FHAD1: variants seen among roughly 807,000 people sequenced by gnomAD.
FHAD1 encodes forkhead associated phosphopeptide binding domain 1, also known as forkhead-associated domain-containing protein 1.
A neutral mutation model predicts 191.3 loss-of-function variants in FHAD1; 146 were observed. That is an observed-to-expected ratio of 0.76 (90% confidence interval 0.67 to 0.88). The LOEUF is 0.88. FHAD1 is among the 40% of genes least tolerant of loss of function. The pLI is 0.00. For synonymous variants in FHAD1, 616 were observed against 672.3 expected, an observed-to-expected ratio of 0.92 and a Z score of 1.29; for missense variants, 1,635 against 1,785.8, an observed-to-expected ratio of 0.92 and a Z score of 1.52.
chr1:15,375,719 GA>G lies in FHAD1; in HGVS notation c.3695del (p.Glu1232GlyfsTer3). The G allele has an allele frequency of 6.5e-7, 1 of 1,542,976 alleles. No homozygotes were observed. The highest frequency in any genetic ancestry group is 8.7e-7 in the Non-Finnish European group (1 of 1,144,544). ...KPDLPTLSRI[E>X]ILAPQNGLCN... ...GGATTTGCCAACTCTCTCAAGAATAGAGATCCTAGCGGTAACCAAAGAAAAT... is the reference window on the plus strand; with the variant it reads ...GGATTTGCCAACTCTCTCAAGAATAGGATCCTAGCGGTAACCAAAGAAAAT... On this transcript the variant is annotated frameshift_variant, in exon 28 of 34. Transcript: ENST00000688493. LOFTEE classifies it high-confidence loss of function.
chr1:15,243,712 C>T (rs537782264), upstream of FHAD1, among the ~76,000 whole-genome samples: 3 of 152,270 alleles, frequency 2.0e-5, no homozygotes, highest in Non-Finnish European at 4.4e-5. Context: ...AAGCTGCCTC[C>T]TCTGGGCTTA....
At chr1:15,393,769 CTT>C (rs547494796) in intron 33 of FHAD1, among the ~76,000 whole-genome samples, 1 of 144,002 alleles carries the variant, frequency 6.9e-6, no homozygotes. Context: ...CCCCTGGCCT[CTT>C]TTTTTTTTTT....
intron 23 of FHAD1, among the ~76,000 whole-genome samples, chr1:15,365,079 CT>C (rs1695986791): frequency 6.6e-6 from 1 of 152,240 alleles, no homozygotes; most frequent in Admixed American, 6.5e-5. Context: ...GGCCCCACCT[CT>C]CTCCACCAGG....
chr1:15,251,836 AC>A lies in FHAD1; in HGVS notation c.54del (p.Thr19GlnfsTer56), dbSNP rs1646810645. On this transcript the variant is annotated frameshift_variant, in exon 2 of 34. Coordinates refer to ENST00000688493, the MANE Select transcript of FHAD1 (RefSeq NM_001391957.1). LOFTEE classifies it high-confidence loss of function. ...AGGCTTTTTTGTCCTAAATAAAAGT[AC>A]CACAATTGGAAGGCATGAAAATTCA... Reference protein sequence around the residue: ...AEGFFVLNKSTTIGRHENSDL... With the variant: ...AEGFFVLNKSXTIGRHENSDL... 1.3e-6 allele frequency: 2 copies of A among 1,552,396 alleles called. No individual in the cohort carries two copies. The highest frequency in any genetic ancestry group is 2.4e-5 in the East Asian group (1 of 40,922).
At chr1:15,341,318 T>A (rs984822344) in intron 15 of FHAD1, among the ~76,000 whole-genome samples, 1 of 152,222 alleles carries the variant, frequency 6.6e-6, no homozygotes, top group Non-Finnish European at 1.5e-5. Flanking sequence ...ACAATTTCAG[T>A]GTCACACAGC....
At chr1:15,239,330 T>TA (rs1286588099) in intron 1 of FHAD1, among the ~76,000 whole-genome samples, 1 of 152,152 alleles carries the variant, frequency 6.6e-6, no homozygotes, top group Middle Eastern at 3.2e-3. Flanking sequence ...GCCATGCCTG[T>TA]AATCCCAGCA....
At chr1:15,247,737 T>TC (rs990564305) in intron 1 of FHAD1, among the ~76,000 whole-genome samples, 2 of 151,958 alleles carry the variant, frequency 1.3e-5, no homozygotes, top group Admixed American at 6.6e-5. Context: ...TCAGAGAGAC[T>TC]CCCCCCTTGC....
At chr1:15,359,070 C>T (rs1229290399) in intron 21 of FHAD1, among the ~76,000 whole-genome samples, 2 of 151,876 alleles carry the variant, frequency 1.3e-5, no homozygotes, top group East Asian at 1.9e-4. Flanking sequence ...ACACTTCAGG[C>T]CAGGGCGCCT....
intron 2 of FHAD1, 123 bp downstream of exon 2, chr1:15,252,000 C>G: frequency 1.2e-6 from 1 of 815,058 alleles, no homozygotes; most frequent in South Asian, 1.9e-5. Context: ...AGCAGCCATA[C>G]CTTTCCTTGG....
rs1428648666 is a variant in FHAD1 at position 15,381,989 on chromosome 1, A to T, written c.4023-39A>T. 6 of 1,545,436 alleles carry T rather than the reference A, an allele frequency of 3.9e-6. No individual in the cohort carries two copies. The South Asian group carries it at 6.0e-5, about 15-fold the overall frequency. On this transcript the variant is annotated intron_variant, in intron 30 of 33. Coordinates refer to ENST00000688493, the MANE Select transcript of FHAD1 (RefSeq NM_001391957.1). The surrounding 1 kb of genome is among the most constrained non-coding windows in gnomAD (Gnocchi z 4.6). ...GGCACATTGATGATGATTGGGAAAG[A>T]TAAGGGAAAAACAGACGCCATCTCT... is the stretch of plus-strand genomic sequence containing the variant.
At chr1:15,314,056 G>A (rs1035314648) in intron 8 of FHAD1, among the ~76,000 whole-genome samples, 5 of 143,204 alleles carry the variant, frequency 3.5e-5, no homozygotes, top group South Asian at 2.1e-4. Context: ...GTGAAACTCC[G>A]TCTCAAATAA....
intron 5 of FHAD1, 41 bp from the exon 6 acceptor site, chr1:15,301,164 A>G: frequency 1.3e-6 from 2 of 1,523,202 alleles, no homozygotes; most frequent in Non-Finnish European, 1.8e-6. Flanking sequence ...CCTCACACCT[A>G]GGCCCACACC....
At chr1:15,285,529 A>G (rs1405638357) in intron 3 of FHAD1, among the ~76,000 whole-genome samples, 1 of 151,742 alleles carries the variant, frequency 6.6e-6, no homozygotes, top group Non-Finnish European at 1.5e-5. Flanking sequence ...GCAAAATTCC[A>G]TCTCCATAAA....
rs1701008728 is a variant in FHAD1 at position 15,381,930 on chromosome 1, C to T, written c.4023-98C>T. Reference sequence around the variant, plus strand: ...GTGATGACACTCCTGAGTGAGCCCCCACTGTGGATGTATTTTGAGAGACTT... The same window carrying T: ...GTGATGACACTCCTGAGTGAGCCCCTACTGTGGATGTATTTTGAGAGACTT... On this transcript the variant is annotated intron_variant, in intron 30 of 33. Coordinates refer to ENST00000688493, the MANE Select transcript of FHAD1 (RefSeq NM_001391957.1). This position sits in a 1 kb window ranked among gnomAD's most constrained non-coding sequence, Gnocchi z 4.6. The T allele has an allele frequency of 6.0e-6, 8 of 1,326,676 alleles. No homozygotes were observed. The highest frequency in any genetic ancestry group is 1.9e-4 in the Middle Eastern group (1 of 5,218). The allele number at this position is 1,326,676 out of a possible 1,614,324, so 82.2% of individuals were successfully genotyped here. A position where few individuals can be genotyped will look rare whatever the true frequency, so the allele number is the denominator to read the frequency against.
intron 2 of FHAD1, among the ~76,000 whole-genome samples, chr1:15,265,263 A>G (rs1652902750): frequency 1.3e-5 from 2 of 152,226 alleles, no homozygotes; most frequent in African/African-American, 4.8e-5. Context: ...TGCAGATTAA[A>G]TGAGGGAATG....
intron 28 of FHAD1, among the ~76,000 whole-genome samples, chr1:15,378,821 A>G (rs1277270515): frequency 1.3e-5 from 2 of 151,924 alleles, no homozygotes; most frequent in African/African-American, 2.4e-5. Context: ...GCAAGCTGAC[A>G]TGCTCTTGGT....
chr1:15,388,492 A>T (rs1702907594), intron 32 of FHAD1: 1 of 705,950 alleles, frequency 1.4e-6, no homozygotes. Flanking sequence ...CCACTAAGTA[A>T]CTTGGGGACT....
At chr1:15,358,314 T>C in intron 21 of FHAD1, 31 bp downstream of exon 21, 1 of 1,516,358 alleles carries the variant, frequency 6.6e-7, no homozygotes, top group African/African-American at 1.4e-5. Flanking sequence ...AACGGGAGAA[T>C]TTTTCTCTCA....
At chr1:15,260,658 G>A (rs77798531) in intron 2 of FHAD1, among the ~76,000 whole-genome samples, 5,442 of 152,306 alleles carry the variant, frequency 0.036, 162 homozygotes, top group South Asian at 0.11. Flanking sequence ...TCCCAATCCC[G>A]CATGGCTCAG....
Sources: allele counts gnomAD v4.1 joint callset (sites outside exome capture counted in the v4.1 genomes callset), GRCh38; gene constraint gnomAD v4.1.1; non-coding constraint Gnocchi (gnomAD v3.1); transcripts MANE v1.5; gene names NCBI Gene and HGNC (gene_info 2026-07-23, HGNC 2026-07-21).